EFCAB5: variants seen among roughly 807,000 people sequenced by gnomAD.
EFCAB5 encodes the protein EF-hand calcium-binding domain-containing protein 5.
Under a neutral mutation model 167.9 loss-of-function variants are expected in EFCAB5, and 131 were observed. That is an observed-to-expected ratio of 0.78 (90% CI 0.68 to 0.90). The LOEUF is 0.90. Among genes scored for constraint, EFCAB5 ranks in the 40% least tolerant of loss-of-function variants. The pLI, the probability that EFCAB5 is intolerant of heterozygous loss-of-function variation, is 0.00. For synonymous variants in EFCAB5, 574 were observed against 602.8 expected (o/e 0.95, Z 0.70); for missense variants, 1,663 against 1,745.2 (o/e 0.95, Z 0.84).
chr17:30,015,261 T>C (rs888958216), intron 7 of EFCAB5, among the ~76,000 whole-genome samples: 4 of 152,236 alleles, frequency 2.6e-5, no homozygotes, highest in Non-Finnish European at 5.9e-5. Context: ...TTGGTAAATC[T>C]GACAATTATG....
chr17:30,036,259 CATATATAATATATAATTATATATA>C (rs2069618568), intron 8 of EFCAB5, among the ~76,000 whole-genome samples: 1 of 115,076 alleles, frequency 8.7e-6, no homozygotes, highest in African/African-American at 3.3e-5. Context: ...ATAGAATATA[CATATATAATATATAATTATATATA>C]ATACACATAT....
At chr17:30,051,973 T>C (rs1450854654) in intron 9 of EFCAB5, among the ~76,000 whole-genome samples, 2 of 152,172 alleles carry the variant, frequency 1.3e-5, no homozygotes, top group Non-Finnish European at 2.9e-5. Context: ...TTTTATTTTT[T>C]TTTATTTTAT....
chr17:30,013,903 G>T (rs1266435884), intron 7 of EFCAB5, among the ~76,000 whole-genome samples: 1 of 152,044 alleles, frequency 6.6e-6, no homozygotes, highest in Non-Finnish European at 1.5e-5. Context: ...TTAGGGTGTC[G>T]ATTTTAGATC....
rs538400870 is a variant in EFCAB5 at position 29,972,747 on chromosome 17, C to CTGAA, written c.767+3381_767+3384dup. ...TGTGGCCGGCCAGAAAGCGTCCTTG[C>CTGAA]TGAACACTACCAGGACCTGCGAAGG... On this transcript the variant is annotated intron_variant, in intron 4 of 22. Coordinates refer to ENST00000394835, the MANE Select transcript of EFCAB5 (RefSeq NM_198529.4). 8.9e-4 allele frequency: 198 copies of CTGAA among 222,446 alleles called. 3 individuals are homozygous for CTGAA. In the Middle Eastern group the frequency reaches 0.013, roughly 15 times the overall value. The allele number at this position is 222,446 out of a possible 1,614,324, so 13.8% of individuals were successfully genotyped here.
Position 30,107,949 on chromosome 17 carries a change from T to C in EFCAB5, c.4437T>C (p.Ile1479=). 6.2e-7 allele frequency: 1 copy of C among 1,611,872 alleles called. No homozygotes were observed. Among genetic ancestry groups the C allele is most frequent in the African/African-American group, 1.3e-5 (1 of 74,932 alleles). Residue 1479 remains isoleucine, a synonymous_variant, in exon 23 of 23, where the codon ATT becomes ATC. Coordinates refer to ENST00000394835, the MANE Select transcript of EFCAB5 (RefSeq NM_198529.4). ...MKITKQLNSG[I]TPPLPSKTDN... Reference sequence around the variant, plus strand: ...TAACCAAACAACTAAATAGTGGTATTACACCTCCGTTGCCCTCCAAGACTG... The same window carrying C: ...TAACCAAACAACTAAATAGTGGTATCACACCTCCGTTGCCCTCCAAGACTG...
chr17:29,954,568 G>C (rs530151212), intron 3 of EFCAB5, among the ~76,000 whole-genome samples: 152 of 152,342 alleles, frequency 1.0e-3, no homozygotes, highest in South Asian at 4.1e-3. Context: ...GAAACTCCTG[G>C]ATGTCCAGGG....
chr17:29,980,732 T>C (rs1237975893), intron 4 of EFCAB5, among the ~76,000 whole-genome samples: 2 of 152,238 alleles, frequency 1.3e-5, no homozygotes, highest in East Asian at 1.9e-4. Flanking sequence ...ATGACTTAAG[T>C]TACCATCTAT....
intron 1 of EFCAB5, among the ~76,000 whole-genome samples, chr17:29,930,918 CCTG>C (rs1239485778): frequency 1.3e-5 from 2 of 152,274 alleles, no homozygotes; most frequent in Non-Finnish European, 2.9e-5. Context: ...TCACTTGCCT[CCTG>C]CTGTGAAGAC....
intron 3 of EFCAB5, among the ~76,000 whole-genome samples, chr17:29,963,797 G>A (rs1415770983): frequency 6.6e-6 from 1 of 152,186 alleles, no homozygotes; most frequent in Non-Finnish European, 1.5e-5. Context: ...TGTGATGTTG[G>A]AAGTGGGCCT....
At chr17:30,051,285 A>G (rs2070089416) in intron 9 of EFCAB5, 68 bp downstream of exon 9, 2 of 1,273,840 alleles carry the variant, frequency 1.6e-6, no homozygotes, top group African/African-American at 1.5e-5. Flanking sequence ...TACTGATATG[A>G]TACACTGATA....
At chr17:30,006,351 C>T (rs1221644907) in intron 7 of EFCAB5, among the ~76,000 whole-genome samples, 1 of 151,964 alleles carries the variant, frequency 6.6e-6, no homozygotes, top group Admixed American at 6.6e-5. Context: ...TTTTTTATTG[C>T]TCCCATGCTT....
chr17:30,057,841 A>G lies in EFCAB5; in HGVS notation c.2531A>G (p.Lys844Arg). The stretch of plus-strand genomic sequence containing the variant: ...AGCGAGACTCTCACCTCCTTTTTTA[A>G]GGAGGGCTATGTTGAAACAGAACAA... ...SVSETLTSFF[K>R]EGYVETEQEK... The change falls in exon 13 of 23, where the codon AAG (lysine) becomes AGG (arginine). Residue 844 changes from lysine (K) to arginine (R), a missense_variant. By Grantham distance (26) the Lys-to-Arg change is conservative (BLOSUM62 2). Coordinates refer to ENST00000394835, the MANE Select transcript of EFCAB5 (RefSeq NM_198529.4). 6.2e-7 allele frequency: 1 copy of G among 1,613,816 alleles called. No individual in the cohort carries two copies. Among genetic ancestry groups the G allele is most frequent in the Non-Finnish European group, 8.5e-7 (1 of 1,179,748 alleles).
chr17:30,068,008 C>T (rs1213749235), intron 14 of EFCAB5, among the ~76,000 whole-genome samples: 1 of 152,132 alleles, frequency 6.6e-6, no homozygotes, highest in African/African-American at 2.4e-5. Flanking sequence ...ACAAAATCAA[C>T]ATATAAAAAT....
Position 29,969,190 on chromosome 17 carries a change from A to G in EFCAB5, c.590A>G (p.Lys197Arg). The G allele has an allele frequency of 6.2e-7, 1 of 1,613,652 alleles. No homozygotes were observed. The highest frequency in any genetic ancestry group is 8.5e-7 in the Non-Finnish European group (1 of 1,179,818). Residue 197 changes from lysine (K) to arginine (R), a missense_variant, in exon 4 of 23, where the codon AAG becomes AGG. By Grantham distance (26) the Lys-to-Arg change is conservative. Coordinates refer to ENST00000394835, the MANE Select transcript of EFCAB5 (RefSeq NM_198529.4). The part of the protein sequence containing the change: ...ENMLTQVEKK[K>R]VLTEADTPSK... ...ATGTTAACTCAAGTAGAAAAGAAGAAGGTTTTGACAGAAGCTGATACTCCA... is the reference window on the plus strand; with the variant it reads ...ATGTTAACTCAAGTAGAAAAGAAGAGGGTTTTGACAGAAGCTGATACTCCA...
chr17:30,094,768 A>G (rs1056711033), intron 22 of EFCAB5, among the ~76,000 whole-genome samples: 1 of 152,190 alleles, frequency 6.6e-6, no homozygotes, highest in African/African-American at 2.4e-5. Flanking sequence ...TGAGCCAGTC[A>G]TCTGTGAAGT....
rs1398179073 is a variant in EFCAB5 at position 30,056,116 on chromosome 17, G to A, written c.2325G>A (p.Glu775=). ...WKMKYVTFED[E]EQANLIYGNS... ...TGAAGTATGTCACATTTGAAGATGAGGAACAGGCAAACTTAATCTATGGTA... is the reference window on the plus strand; with the variant it reads ...TGAAGTATGTCACATTTGAAGATGAAGAACAGGCAAACTTAATCTATGGTA... Residue 775 remains glutamate (E), a synonymous_variant, in exon 12 of 23, where the codon GAG becomes GAA. Coordinates refer to ENST00000394835, the MANE Select transcript of EFCAB5 (RefSeq NM_198529.4). 1 of 1,612,022 alleles carries A rather than the reference G, an allele frequency of 6.2e-7. No homozygotes were observed. The highest frequency in any genetic ancestry group is 1.7e-5 in the Admixed American group (1 of 59,754).
chr17:29,936,107 C>T (rs1338068979), intron 1 of EFCAB5, among the ~76,000 whole-genome samples: 1 of 152,150 alleles, frequency 6.6e-6, no homozygotes, highest in African/African-American at 2.4e-5. Flanking sequence ...ACATATACAC[C>T]ATGGAATACT....
chr17:29,974,720 C>A (rs1424511479), intron 4 of EFCAB5, among the ~76,000 whole-genome samples: 3 of 152,044 alleles, frequency 2.0e-5, no homozygotes, highest in Admixed American at 2.0e-4. Flanking sequence ...AAGCGTTTTG[C>A]CAGGTAAATT....
Position 30,080,796 on chromosome 17 carries a change from G to A in EFCAB5, c.3241G>A (p.Val1081Ile), listed in dbSNP as rs1197002809. ...DEGKPIHVPQ[V>I]QYHGNIFFWN... ...AGGGAAGCCAATCCATGTTCCCCAA[G>A]TTCAGTACCATGGGAACATCTTCTT... The change falls in exon 17 of 23, where the codon GTT (valine) becomes ATT (isoleucine). Residue 1081 changes from valine (V) to isoleucine (I), a missense_variant. Physicochemically the swap from Val to Ile is conservative, Grantham distance 29. Coordinates refer to ENST00000394835, the MANE Select transcript of EFCAB5 (RefSeq NM_198529.4). The A allele has an allele frequency of 6.2e-7, 1 of 1,612,052 alleles. No individual in the cohort carries two copies. Among genetic ancestry groups the A allele is most frequent in the African/African-American group, 1.3e-5 (1 of 74,974 alleles).
Sources: allele counts gnomAD v4.1 joint callset (sites outside exome capture counted in the v4.1 genomes callset), GRCh38; gene constraint gnomAD v4.1.1; transcripts MANE v1.5; gene names NCBI Gene and HGNC (gene_info 2026-07-23, HGNC 2026-07-21).